KIAA0232: variants seen among roughly 807,000 people sequenced by gnomAD.
KIAA0232 encodes the protein uncharacterized protein KIAA0232.
KIAA0232 carries 27 observed loss-of-function variants against 122.0 expected under a neutral mutation model. That is an observed-to-expected ratio of 0.22 (90% CI 0.16 to 0.31). KIAA0232 has a LOEUF of 0.31. Ranked by LOEUF, KIAA0232 falls within the 10% of genes least tolerant of loss-of-function variation. The pLI, the probability that KIAA0232 is intolerant of heterozygous loss-of-function variation, is 1.00. For synonymous variants in KIAA0232, 613 were observed against 587.6 expected (o/e 1.04, Z -0.63); for missense variants, 1,551 against 1,634.2 (o/e 0.95, Z 0.88).
intron 2 of KIAA0232, among the ~76,000 whole-genome samples, chr4:6,821,618 C>T (rs1206798573): frequency 1.3e-5 from 2 of 150,124 alleles, no homozygotes; most frequent in Admixed American, 1.3e-4. Flanking sequence ...ATACACATAT[C>T]TATATATATA....
intron 3 of KIAA0232, among the ~76,000 whole-genome samples, chr4:6,835,603 G>T (rs984329545): frequency 3.9e-5 from 6 of 152,088 alleles, no homozygotes; most frequent in African/African-American, 9.7e-5. Flanking sequence ...TTCTCCTAAC[G>T]CTATCCCTCC....
intron 2 of KIAA0232, among the ~76,000 whole-genome samples, chr4:6,810,371 C>T (rs1228189361): frequency 2.6e-5 from 4 of 152,040 alleles, no homozygotes; most frequent in Admixed American, 6.6e-5. Flanking sequence ...ATTGGATTGC[C>T]CTGTGCATAA....
At chr4:6,792,749 G>C (rs1335337534) in intron 1 of KIAA0232, among the ~76,000 whole-genome samples, 1 of 149,226 alleles carries the variant, frequency 6.7e-6, no homozygotes, top group Non-Finnish European at 1.5e-5. Context: ...TAGTGCAATG[G>C]CATCATCTTG....
rs1264942220 is a variant in KIAA0232, at chr4:6,861,105, C to G, written c.723C>G (p.Thr241=). 3.1e-6 allele frequency: 5 copies of G among 1,614,148 alleles called. No homozygotes were observed. The highest frequency in any genetic ancestry group is 4.2e-6 in the Non-Finnish European group (5 of 1,180,024). The part of the protein sequence containing the change: ...VTKERSSEVP[T]TVHEKTQSKS... ...AGGAAAGAAGCAGTGAAGTACCCAC[C>G]ACTGTGCATGAGAAAACCCAGAGCA... The change falls in exon 7 of 10, where the codon ACC becomes ACG. Residue 241 remains threonine, a synonymous_variant. Transcript: ENST00000307659.
intron 4 of KIAA0232, among the ~76,000 whole-genome samples, chr4:6,842,433 T>C (rs1004198311): frequency 1.3e-5 from 2 of 152,158 alleles, no homozygotes; most frequent in African/African-American, 4.8e-5. Flanking sequence ...TACACAAAAT[T>C]TTATATCCTT....
Position 6,836,818 on chromosome 4 carries a change from AACCCTT to A in KIAA0232, c.232-5247_232-5242del, listed in dbSNP as rs1338865356. On this transcript the variant is annotated intron_variant, in intron 3 of 9. Coordinates refer to ENST00000307659, the MANE Select transcript of KIAA0232 (RefSeq NM_014743.3). ...ATCTTGCACCGCCCTTAATCCATTTAACCCTTAGTGGACACAGCACATGTTTCAGAG... is the reference window on the plus strand; with the variant it reads ...ATCTTGCACCGCCCTTAATCCATTTAAGTGGACACAGCACATGTTTCAGAG... Among the ~76,000 whole-genome samples, 172 of 152,206 alleles carry A rather than the reference AACCCTT, an allele frequency of 1.1e-3. 2 individuals are homozygous for A. Among genetic ancestry groups the A allele is most frequent in the Non-Finnish European group, 2.8e-4 (19 of 68,010 alleles).
chr4:6,865,363 G>A (rs560707796), intron 7 of KIAA0232, among the ~76,000 whole-genome samples: 17 of 152,248 alleles, frequency 1.1e-4, no homozygotes, highest in East Asian at 7.7e-4. Flanking sequence ...GCAGTGGTGC[G>A]ATCTCAGCTC....
At chr4:6,819,739 C>G (rs1023001871) in intron 2 of KIAA0232, among the ~76,000 whole-genome samples, 4 of 152,152 alleles carry the variant, frequency 2.6e-5, no homozygotes, top group Non-Finnish European at 5.9e-5. Context: ...ACCCAGCAAT[C>G]CCATTACTAG....
chr4:6,859,832 A>G (rs1218884439), intron 6 of KIAA0232, among the ~76,000 whole-genome samples: 1 of 152,200 alleles, frequency 6.6e-6, no homozygotes, highest in Non-Finnish European at 1.5e-5. Context: ...CTGCTCTGAA[A>G]TCTTCAGTGG....
intron 7 of KIAA0232, among the ~76,000 whole-genome samples, chr4:6,870,844 T>C (rs555338862): frequency 6.6e-6 from 1 of 151,658 alleles, no homozygotes; most frequent in South Asian, 2.1e-4. Context: ...CCATTTCTTC[T>C]TTTACTTACT....
intron 2 of KIAA0232, among the ~76,000 whole-genome samples, chr4:6,817,002 G>C (rs974066000): frequency 2.6e-5 from 4 of 152,078 alleles, no homozygotes; most frequent in Non-Finnish European, 5.9e-5. Context: ...AGTCTGGCTA[G>C]AGGTTAAAGA....
At chr4:6,844,480 T>C (rs1719849855) in intron 4 of KIAA0232, among the ~76,000 whole-genome samples, 1 of 152,004 alleles carries the variant, frequency 6.6e-6, no homozygotes, top group Admixed American at 6.6e-5. Context: ...CTTACTCTAT[T>C]GCCCAGGCTG....
At chr4:6,826,054 A>G (rs762428824) in intron 3 of KIAA0232, among the ~76,000 whole-genome samples, 10 of 152,170 alleles carry the variant, frequency 6.6e-5, no homozygotes, top group Admixed American at 2.6e-4. Flanking sequence ...GGCTCAAGCA[A>G]TCCTCCCACC....
chr4:6,815,982 A>T (rs1386234531), intron 2 of KIAA0232, among the ~76,000 whole-genome samples: 1 of 152,194 alleles, frequency 6.6e-6, no homozygotes, highest in Non-Finnish European at 1.5e-5. Flanking sequence ...AAAGAATCTT[A>T]TGGTTGGCTT....
Position 6,841,935 on chromosome 4 carries a change from A to C in KIAA0232, c.232-132A>C. The C allele has an allele frequency of 2.9e-6, 3 of 1,039,222 alleles. No homozygotes were observed. The East Asian group carries it at 7.9e-5, about 27-fold the overall frequency. The allele number at this position is 1,039,222 out of a possible 1,614,324, so 64.4% of individuals were successfully genotyped here. On this transcript the variant is annotated intron_variant, in intron 3 of 9. Coordinates refer to ENST00000307659, the MANE Select transcript of KIAA0232 (RefSeq NM_014743.3). ...GAATGCCAGCTCCCTTCGTCGCAGAAATAGACAAGCCGATCCTAAAACTCG... is the reference window on the plus strand; with the variant it reads ...GAATGCCAGCTCCCTTCGTCGCAGACATAGACAAGCCGATCCTAAAACTCG...
chr4:6,813,600 G>T (rs970437032), intron 2 of KIAA0232, among the ~76,000 whole-genome samples: 1 of 152,028 alleles, frequency 6.6e-6, no homozygotes, highest in Non-Finnish European at 1.5e-5. Context: ...CTGACCTTGT[G>T]ATCCGCCCGC....
At position 6,857,171 on chromosome 4, in the gene KIAA0232, G is replaced by C. The variant is rs377299102; in HGVS notation, c.377G>C (p.Gly126Ala). 69 of 1,608,344 alleles carry C rather than the reference G, an allele frequency of 4.3e-5. No individual in the cohort carries two copies. Among genetic ancestry groups the C allele is most frequent in the Non-Finnish European group, 4.8e-5 (57 of 1,177,280 alleles). The change falls in exon 5 of 10, where the codon GGT becomes GCT. Residue 126 changes from glycine to alanine, a missense_variant. Gly to Ala is a moderately conservative substitution (Grantham distance 60). Around this residue, in one of 5 missense-constraint regions of KIAA0232, gnomAD observed 377 missense variants for 381.7 expected, o/e 0.99. Transcript: ENST00000307659. ...CTTTTTGTTGTCATGCAGAGCTCTG[G>C]TATCGAGACTTTAGTGGAGGAGCTC... ...CLRSASDESS[G>A]IETLVEELCS...
At chr4:6,817,844 A>G (rs1262635662) in intron 2 of KIAA0232, among the ~76,000 whole-genome samples, 1 of 152,106 alleles carries the variant, frequency 6.6e-6, no homozygotes, top group Non-Finnish European at 1.5e-5. Context: ...ATGTTTTGCA[A>G]GTATGCTGTT....
rs1386705039 is a variant in KIAA0232, at chr4:6,876,774, C to G, written c.4008+17C>G. The G allele has an allele frequency of 6.5e-7, 1 of 1,533,382 alleles. No homozygotes were observed. The highest frequency in any genetic ancestry group is 1.7e-5 in the Admixed American group (1 of 59,842). The allele number at this position is 1,533,382 out of a possible 1,614,324, so 95.0% of individuals were successfully genotyped here. A position where few individuals can be genotyped will look rare whatever the true frequency, so the allele number is the denominator to read the frequency against. ...TTTAATAGGGTAAGTGGACTGTCCT[C>G]CTCCTCGTCATTAACTTACAAACAG... On this transcript the variant is annotated intron_variant, in intron 9 of 9. Transcript: ENST00000307659.
Sources: gnomAD v4.1 joint callset for allele counts (sites outside exome capture counted in the v4.1 genomes callset) on GRCh38, gnomAD v4.1.1 for gene constraint, gnomAD v4.1.1 regional missense constraint, MANE v1.5 for transcripts, NCBI Gene and HGNC (gene_info 2026-07-23, HGNC 2026-07-21) for gene names.